CFAP91: variants seen among roughly 807,000 people sequenced by gnomAD.
The protein encoded by CFAP91 is cilia- and flagella-associated protein 91.
In CFAP91, 85 loss-of-function variants were observed where a neutral mutation model predicts 95.9. The ratio of observed to expected loss-of-function variants is 0.89; its 90% CI spans 0.74 to 1.06. The LOEUF (loss-of-function observed/expected upper bound fraction) is 1.06. Among genes scored for constraint, CFAP91 ranks in the 50% least tolerant of loss-of-function variants. CFAP91 has a pLI of 0.00. For synonymous variants in CFAP91, 335 were observed against 327.5 expected, an observed-to-expected ratio of 1.02 and a Z score of -0.25; for missense variants, 962 against 943.4, an observed-to-expected ratio of 1.02 and a Z score of -0.26.
intron 6 of CFAP91, among the ~76,000 whole-genome samples, chr3:119,724,128 A>G (rs948477323): frequency 6.8e-6 from 1 of 148,122 alleles, no homozygotes; most frequent in Non-Finnish European, 1.5e-5. Context: ...AGATCGTGCC[A>G]TTGCACTCCA....
chr3:119,715,617 A>G lies in CFAP91; in HGVS notation c.556A>G (p.Lys186Glu), dbSNP rs751602858. 1.2e-5 allele frequency: 20 copies of G among 1,613,960 alleles called. No individual in the cohort carries two copies. Among genetic ancestry groups the G allele is most frequent in the South Asian group, 2.2e-5 (2 of 91,078 alleles). The change falls in exon 6 of 18, where the codon AAG (lysine) becomes GAG (glutamate). Residue 186 changes from lysine (K) to glutamate (E), a missense_variant. Physicochemically the swap from Lys to Glu is moderately conservative, Grantham distance 56. Coordinates refer to ENST00000273390, the MANE Select transcript of CFAP91 (RefSeq NM_033364.4). ...TSTKHLSIPSKSTVGTQTDYR... is the reference protein window; with the variant it reads ...TSTKHLSIPSESTVGTQTDYR... ...TACTAAGCACCTATCCATCCCTTCAAAGTCTACTGTGGGCACTCAGACTGA... is the reference window on the plus strand; with the variant it reads ...TACTAAGCACCTATCCATCCCTTCAGAGTCTACTGTGGGCACTCAGACTGA...
intron 16 of CFAP91, among the ~76,000 whole-genome samples, chr3:119,748,226 A>G (rs2054261125): frequency 6.6e-6 from 1 of 152,192 alleles, no homozygotes; most frequent in Non-Finnish European, 1.5e-5. Context: ...TTGAGCATAT[A>G]AAAGATTTTC....
chr3:119,724,651 A>G (rs1204303559), intron 6 of CFAP91, among the ~76,000 whole-genome samples: 2 of 152,188 alleles, frequency 1.3e-5, no homozygotes, highest in Non-Finnish European at 2.9e-5. Context: ...CAAATGCATC[A>G]TTGTGACTGC....
At chr3:119,703,653 T>C (rs932134373) in intron 1 of CFAP91, among the ~76,000 whole-genome samples, 63 of 152,252 alleles carry the variant, frequency 4.1e-4, no homozygotes, top group African/African-American at 1.4e-3. Flanking sequence ...TTAGGTTTTT[T>C]GTTGTTGTTG....
At chr3:119,708,152 G>C (rs959774172) in intron 3 of CFAP91, among the ~76,000 whole-genome samples, 1 of 151,630 alleles carries the variant, frequency 6.6e-6, no homozygotes, top group African/African-American at 2.4e-5. Context: ...GTGGTGGCAG[G>C]TGCCTGTAGT....
At chr3:119,714,893 T>C (rs2053545565) in intron 5 of CFAP91, among the ~76,000 whole-genome samples, 1 of 152,224 alleles carries the variant, frequency 6.6e-6, no homozygotes, top group Non-Finnish European at 1.5e-5. Flanking sequence ...CACTCAAAGA[T>C]GATATAAATA....
At chr3:119,719,116 C>T (rs1246101909) in intron 6 of CFAP91, among the ~76,000 whole-genome samples, 2 of 152,112 alleles carry the variant, frequency 1.3e-5, no homozygotes, top group African/African-American at 4.8e-5. Context: ...GAATGAAGTA[C>T]AACTACATGT....
At chr3:119,714,258 C>G (rs548545696) in intron 5 of CFAP91, among the ~76,000 whole-genome samples, 67 of 151,140 alleles carry the variant, frequency 4.4e-4, no homozygotes, top group African/African-American at 1.5e-3. Flanking sequence ...CCCAGCTACT[C>G]GGAAGGCTGA....
chr3:119,737,202 A>G (rs1399384082), intron 10 of CFAP91, among the ~76,000 whole-genome samples, 164 bp from the exon 11 acceptor site: 5 of 152,200 alleles, frequency 3.3e-5, no homozygotes, highest in Non-Finnish European at 7.3e-5. Flanking sequence ...CTGGTAATGA[A>G]GGAAAATATA....
At chr3:119,735,517 A>T (rs1465168120) in intron 10 of CFAP91, among the ~76,000 whole-genome samples, 1 of 152,194 alleles carries the variant, frequency 6.6e-6, no homozygotes, top group Non-Finnish European at 1.5e-5. Context: ...GTGTTTTAAA[A>T]TTTCCAAATA....
chr3:119,709,782 C>T, intron 4 of CFAP91, 57 bp from the exon 5 acceptor site: 4 of 1,210,146 alleles, frequency 3.3e-6, no homozygotes, highest in East Asian at 2.3e-5. Context: ...TGGAAGAGAG[C>T]TTAGAGTGCA....
At chr3:119,736,566 G>A (rs1027778210) in intron 10 of CFAP91, among the ~76,000 whole-genome samples, 3 of 151,998 alleles carry the variant, frequency 2.0e-5, no homozygotes, top group East Asian at 1.9e-4. Flanking sequence ...GTGAGCCACC[G>A]CGCCCGGCCT....
rs75970430 is a variant in CFAP91, at chr3:119,744,764, A to T, written c.1902+568A>T. On this transcript the variant is annotated intron_variant, in intron 14 of 17. Transcript: ENST00000273390. ...AGGTATTGTTTCAGTAGATGGATCTACAAGATGGAATTTAGAAATGAGGGT... is the reference window on the plus strand; with the variant it reads ...AGGTATTGTTTCAGTAGATGGATCTTCAAGATGGAATTTAGAAATGAGGGT... Among the ~76,000 whole-genome samples the T allele has an allele frequency of 2.5e-4, 38 of 152,362 alleles. No individual in the cohort carries two copies. In the East Asian group the frequency reaches 7.1e-3, roughly 29 times the overall value.
chr3:119,737,530 C>T, intron 11 of CFAP91, 48 bp downstream of exon 11: 1 of 1,141,926 alleles, frequency 8.8e-7, no homozygotes. Flanking sequence ...ATATCATTGT[C>T]AGCTTATTCT....
chr3:119,727,685 G>C (rs1319653801), intron 7 of CFAP91, among the ~76,000 whole-genome samples: 1 of 152,152 alleles, frequency 6.6e-6, no homozygotes, highest in Non-Finnish European at 1.5e-5. Flanking sequence ...CCCCTCTCAG[G>C]CTGTGTCTAT....
At chr3:119,762,371 G>T (rs1305866959) in intron 17 of CFAP91, among the ~76,000 whole-genome samples, 1 of 151,992 alleles carries the variant, frequency 6.6e-6, no homozygotes, top group Non-Finnish European at 1.5e-5. Flanking sequence ...CTGTGTTCAT[G>T]GATTGGAAGA....
In CFAP91 at chr3:119,741,167, T is replaced by G. The variant is rs79098551; in HGVS notation, c.1680+472T>G. Among the ~76,000 whole-genome samples the G allele has an allele frequency of 0.029, 4,491 of 152,312 alleles. 403 individuals carry two copies. The East Asian group carries it at 0.37, about 13-fold the overall frequency. On this transcript the variant is annotated intron_variant, in intron 13 of 17. Coordinates refer to ENST00000273390, the MANE Select transcript of CFAP91 (RefSeq NM_033364.4). ...GTAGTCCTTAATTTGATTGGGGATG[T>G]GCCCTTACTGATTTGAATATGGTGC...
rs758880863 is a variant in CFAP91 at position 119,740,630 on chromosome 3, G to A, written c.1615G>A (p.Val539Met). The A allele has an allele frequency of 1.2e-5, 20 of 1,614,188 alleles. No homozygotes were observed. In the Admixed American group the frequency reaches 3.2e-4, roughly 26 times the overall value. Residue 539 changes from valine (V) to methionine (M), a missense_variant, in exon 13 of 18, where the codon GTG becomes ATG. Val to Met is a conservative substitution (Grantham distance 21). Transcript: ENST00000273390. ...CHALQEDEKLVKKAEKQVTLA... is the reference protein window; with the variant it reads ...CHALQEDEKLMKKAEKQVTLA... ...CGCACTACAAGAAGATGAAAAGCTG[G>A]TGAAAAAAGCCGAGAAGCAAGTGAC... is the stretch of plus-strand genomic sequence containing the variant.
chr3:119,762,162 A>G (rs534542379), intron 17 of CFAP91, among the ~76,000 whole-genome samples: 6 of 152,130 alleles, frequency 3.9e-5, no homozygotes, highest in African/African-American at 1.4e-4. Flanking sequence ...TCAACATACA[A>G]AAATCAGTAG....
Sources: allele counts gnomAD v4.1 joint callset (sites outside exome capture counted in the v4.1 genomes callset), GRCh38; gene constraint gnomAD v4.1.1; transcripts MANE v1.5; gene names NCBI Gene and HGNC (gene_info 2026-07-23, HGNC 2026-07-21).